The following DLG2 variants were observed in gnomAD, a reference collection of about 807,000 sequenced individuals.
The protein encoded by DLG2 is disks large homolog 2.
DLG2 carries 45 observed loss-of-function variants against 132.5 expected under a neutral mutation model. The ratio of observed to expected loss-of-function variants is 0.34; its 90% CI spans 0.27 to 0.44. The LOEUF is 0.44. DLG2 is among the 20% of genes least tolerant of loss of function. The pLI, the probability that DLG2 is intolerant of heterozygous loss-of-function variation, is 1.00. For synonymous variants in DLG2, 424 were observed against 419.6 expected (o/e 1.01, Z -0.13); for missense variants, 1,045 against 1,196.9 (o/e 0.87, Z 1.87).
chr11:83,757,665 G>C (rs759586480), intron 18 of DLG2, among the ~76,000 whole-genome samples: 1 of 152,062 alleles, frequency 6.6e-6, no homozygotes, highest in East Asian at 1.9e-4. Context: ...TTGATCTCAG[G>C]GTTGCTTAAA....
At chr11:84,541,161 G>A (rs2099367721) in intron 6 of DLG2, among the ~76,000 whole-genome samples, 1 of 151,272 alleles carries the variant, frequency 6.6e-6, no homozygotes, top group Admixed American at 6.6e-5. Context: ...TGCATGTTGT[G>A]CACATGTACC....
chr11:84,165,253 G>A (rs369226946), intron 8 of DLG2, among the ~76,000 whole-genome samples: 6 of 152,120 alleles, frequency 3.9e-5, no homozygotes, highest in East Asian at 3.9e-4. Context: ...AGAAAAACAC[G>A]CCTCTAATAA....
intron 6 of DLG2, among the ~76,000 whole-genome samples, chr11:84,650,714 T>TCAATAATATACTGTTCACATCTCTATGA (rs2099680480): frequency 6.6e-6 from 1 of 151,914 alleles, no homozygotes; most frequent in African/African-American, 2.4e-5. Context: ...TGTTACTTTT[T>TCAATAATATACTGTTCACATCTCTATGA]CAATAATATG....
intron 6 of DLG2, among the ~76,000 whole-genome samples, chr11:84,543,991 G>A (rs1403459083): frequency 6.6e-6 from 1 of 152,098 alleles, no homozygotes; most frequent in Non-Finnish European, 1.5e-5. Context: ...TACCTACTAT[G>A]GACTAGCTGC....
At chr11:84,053,327 T>C (rs76260933) in intron 11 of DLG2, among the ~76,000 whole-genome samples, 4,090 of 152,020 alleles carry the variant, frequency 0.027, 157 homozygotes, top group African/African-American at 0.092. Context: ...GATGCTGGGC[T>C]TAATACCTAG....
chr11:84,607,965 T>C (rs1234384896), intron 6 of DLG2, among the ~76,000 whole-genome samples: 1 of 152,136 alleles, frequency 6.6e-6, no homozygotes, highest in African/African-American at 2.4e-5. Flanking sequence ...CTGAACAGCT[T>C]TTCTTTGGTT....
At chr11:85,335,465 A>G (rs536046114) in intron 3 of DLG2, among the ~76,000 whole-genome samples, 2 of 152,168 alleles carry the variant, frequency 1.3e-5, no homozygotes, top group African/African-American at 4.8e-5. Flanking sequence ...CATGTTAGCT[A>G]GTTGTTATGT....
At chr11:85,560,946 T>C (rs1475586099) in intron 3 of DLG2, among the ~76,000 whole-genome samples, 1 of 151,480 alleles carries the variant, frequency 6.6e-6, no homozygotes, top group Non-Finnish European at 1.5e-5. Context: ...GTGGGAGGAT[T>C]GCTTGAGCCT....
chr11:85,027,124 A>G (rs1206167407), intron 6 of DLG2, among the ~76,000 whole-genome samples: 1 of 145,520 alleles, frequency 6.9e-6, no homozygotes. Flanking sequence ...AGCTCATTAT[A>G]TATTTAAAAG....
At chr11:84,385,827 C>A (rs965169095) in intron 7 of DLG2, among the ~76,000 whole-genome samples, 16 of 152,156 alleles carry the variant, frequency 1.1e-4, no homozygotes. Context: ...ATAAAGAGAC[C>A]TGTATGCACG....
intron 6 of DLG2, among the ~76,000 whole-genome samples, chr11:84,918,720 G>T (rs568963229): frequency 1.3e-5 from 2 of 152,268 alleles, no homozygotes; most frequent in East Asian, 3.9e-4. Context: ...AGTGGTTTGC[G>T]ATTGGCAAAT....
intron 6 of DLG2, among the ~76,000 whole-genome samples, chr11:84,880,268 A>T (rs969461756): frequency 1.3e-5 from 2 of 152,088 alleles, no homozygotes; most frequent in African/African-American, 4.8e-5. Context: ...TGCCTACAAA[A>T]CAGAGCCAGC....
intron 3 of DLG2, among the ~76,000 whole-genome samples, chr11:85,347,967 C>CTTTTTTT (rs35083224): frequency 5.0e-5 from 2 of 40,366 alleles, no homozygotes; most frequent in East Asian, 6.6e-4. Context: ...CCACACTTAA[C>CTTTTTTT]TTTTTTTTTT....
chr11:85,059,116 G>C (rs1269736950), intron 6 of DLG2, among the ~76,000 whole-genome samples: 1 of 151,130 alleles, frequency 6.6e-6, no homozygotes, highest in Non-Finnish European at 1.5e-5. Context: ...TCCAAAATAG[G>C]ACTCATATTC....
chr11:84,759,372 C>T (rs1400792617), intron 6 of DLG2, among the ~76,000 whole-genome samples: 1 of 152,150 alleles, frequency 6.6e-6, no homozygotes, highest in Non-Finnish European at 1.5e-5. Flanking sequence ...ATAGATTGGC[C>T]TACCTGCACT....
chr11:85,490,631 G>A (rs2093535690), intron 3 of DLG2, among the ~76,000 whole-genome samples: 1 of 151,956 alleles, frequency 6.6e-6, no homozygotes, highest in Admixed American at 6.6e-5. Flanking sequence ...TCATACCACA[G>A]AAATACAAAA....
At chr11:85,154,716 A>G in intron 4 of DLG2, 65 bp from the exon 5 acceptor site, 2 of 772,404 alleles carry the variant, frequency 2.6e-6, no homozygotes, top group East Asian at 5.5e-5. Context: ...TTGTTTTCAA[A>G]CTTTGAATAT....
intron 3 of DLG2, among the ~76,000 whole-genome samples, chr11:85,586,801 T>C (rs77485425): frequency 0.04 from 6,157 of 152,272 alleles, 399 homozygotes; most frequent in African/African-American, 0.14. Context: ...TGCCTATTTA[T>C]GCTCTTTCAG....
chr11:84,265,756 G>A (rs1718630420), intron 7 of DLG2, among the ~76,000 whole-genome samples: 1 of 152,016 alleles, frequency 6.6e-6, no homozygotes, highest in Admixed American at 6.6e-5. Context: ...AAACATTGGT[G>A]TAATTTTTTC....
Sources: allele counts gnomAD v4.1 joint callset (sites outside exome capture counted in the v4.1 genomes callset), GRCh38; gene constraint gnomAD v4.1.1; transcripts MANE v1.5; gene names NCBI Gene and HGNC (gene_info 2026-07-23, HGNC 2026-07-21).